PTPN3: variants seen among roughly 807,000 people sequenced by gnomAD.
PTPN3 encodes protein tyrosine phosphatase non-receptor type 3, also known as tyrosine-protein phosphatase non-receptor type 3.
Under a neutral mutation model 132.7 loss-of-function variants are expected in PTPN3, and 96 were observed. The ratio of observed to expected loss-of-function variants is 0.72; its 90% CI spans 0.61 to 0.86. The LOEUF is 0.86. Among genes scored for constraint, PTPN3 ranks in the 40% least tolerant of loss-of-function variants. The pLI is 0.00. For missense variants in PTPN3, 1,125 were observed against 1,159.6 expected, an observed-to-expected ratio of 0.97 and a Z score of 0.43; for synonymous variants, 398 against 429.0, an observed-to-expected ratio of 0.93 and a Z score of 0.89.
At chr9:109,452,140 C>T (rs369431134) in intron 5 of PTPN3, among the ~76,000 whole-genome samples, 17 of 151,930 alleles carry the variant, frequency 1.1e-4, no homozygotes, top group African/African-American at 3.9e-4. Context: ...TGATGGCACA[C>T]GCCTGTAGTC....
intron 1 of PTPN3, among the ~76,000 whole-genome samples, chr9:109,470,323 T>C (rs7020624): frequency 2.6e-5 from 4 of 151,988 alleles, no homozygotes; most frequent in Non-Finnish European, 5.9e-5. Context: ...GGGCCAACCA[T>C]GGCCCCAACA....
intron 2 of PTPN3, among the ~76,000 whole-genome samples, chr9:109,462,522 GC>G (rs1458052715): frequency 6.6e-6 from 1 of 152,094 alleles, no homozygotes; most frequent in African/African-American, 2.4e-5. Context: ...GCAGATCCTA[GC>G]AGCCAGTTCA....
intron 25 of PTPN3, among the ~76,000 whole-genome samples, chr9:109,380,680 C>A (rs1348892132): frequency 6.6e-6 from 1 of 152,082 alleles, no homozygotes; most frequent in African/African-American, 2.4e-5. Context: ...TTTCTCTTAA[C>A]AAGATTTTCT....
In PTPN3 at chr9:109,383,523, G is replaced by T. The variant is rs748270076; in HGVS notation, c.2282C>A (p.Pro761His). The change falls in exon 23 of 26, where the codon CCC (proline) becomes CAC (histidine). Residue 761 changes from proline (P) to histidine (H), a missense_variant. Coordinates refer to ENST00000374541, the MANE Select transcript of PTPN3 (RefSeq NM_002829.4). ...RTKCHQYWPDPPDVMNHGGFH... is the reference protein window; with the variant it reads ...RTKCHQYWPDHPDVMNHGGFH... ...GCCGCCGTGGTTCATGACGTCGGGG[G>T]GATCTGGCCAGTACTGGTGACATTT... is the stretch of plus-strand genomic sequence containing the variant. 1.8e-5 allele frequency: 29 copies of T among 1,613,966 alleles called. No individual in the cohort carries two copies. Among genetic ancestry groups the T allele is most frequent in the African/African-American group, 2.7e-5 (2 of 74,884 alleles).
intron 5 of PTPN3, chr9:109,451,181 G>GAGTT: frequency 2.1e-6 from 2 of 963,934 alleles, no homozygotes; most frequent in Non-Finnish European, 2.5e-6. Flanking sequence ...TTGAGTCCAG[G>GAGTT]AGTTTGAGGC....
chr9:109,531,660 G>A, the PTPN3 span, among the ~76,000 whole-genome samples: 1 of 152,138 alleles, frequency 6.6e-6, no homozygotes, highest in Non-Finnish European at 1.5e-5. Flanking sequence ...CCTAGAAGCT[G>A]GGAGCTCTAC....
rs567757674 is a variant in PTPN3 at position 109,383,713 on chromosome 9, G to A, written c.2254-162C>T. ...AAGTCCATCAGCTGTTTCTCAGGGCGGGGTGGGGGCAGCCTGCCAGGGACT... is the reference window on the plus strand; with the variant it reads ...AAGTCCATCAGCTGTTTCTCAGGGCAGGGTGGGGGCAGCCTGCCAGGGACT... On this transcript the variant is annotated intron_variant, in intron 22 of 25. Transcript: ENST00000374541. 6.6e-5 allele frequency among the ~76,000 whole-genome samples: 10 copies of A among 152,290 alleles called. 1 individual carries two copies. Among genetic ancestry groups the A allele is most frequent in the South Asian group, 4.1e-4 (2 of 4,820 alleles).
Position 109,383,504 on chromosome 9 carries a change from G to A in PTPN3, c.2301C>T (p.His767=), listed in dbSNP as rs373493427. 51 of 1,613,988 alleles carry A rather than the reference G, an allele frequency of 3.2e-5. No homozygotes were observed. Among genetic ancestry groups the A allele is most frequent in the African/African-American group, 1.2e-4 (9 of 74,896 alleles). ...ACTGACACTGGATGTGAAAGCCGCC[G>A]TGGTTCATGACGTCGGGGGGATCTG... is the stretch of plus-strand genomic sequence containing the variant. The part of the protein sequence containing the change: ...YWPDPPDVMN[H]GGFHIQCQSE... Residue 767 remains histidine (H), a synonymous_variant, in exon 23 of 26, where the codon CAC becomes CAT. Transcript: ENST00000374541.
the PTPN3 span, among the ~76,000 whole-genome samples, chr9:109,531,871 C>A: frequency 2.6e-5 from 4 of 152,150 alleles, no homozygotes; most frequent in South Asian, 2.1e-4. Context: ...AAAAAAAATC[C>A]CTTGCATTCT....
chr9:109,463,389 G>T lies in PTPN3; in HGVS notation c.46C>A (p.Arg16Ser), dbSNP rs200407136. ...TTCTCTTTGGGTAACTCCGAGGTGC[G>T]TATATTATTAATTCTTCCACCCAAC... The part of the protein sequence containing the change: ...RALGGRINNI[R>S]TSELPKEKTR... The change falls in exon 2 of 26, where the codon CGC becomes AGC. Residue 16 changes from arginine to serine, a missense_variant. Transcript: ENST00000374541. The T allele has an allele frequency of 1.2e-6, 2 of 1,612,658 alleles. No homozygotes were observed. The highest frequency in any genetic ancestry group is 1.7e-6 in the Non-Finnish European group (2 of 1,179,682).
At chr9:109,471,479 T>G (rs1036550696) in intron 1 of PTPN3, among the ~76,000 whole-genome samples, 8 of 152,104 alleles carry the variant, frequency 5.3e-5, no homozygotes, top group Non-Finnish European at 7.4e-5. Flanking sequence ...AGCATGTATC[T>G]CCCCCTAATA....
intron 10 of PTPN3, among the ~76,000 whole-genome samples, chr9:109,431,793 T>C (rs1226793774): frequency 1.3e-5 from 2 of 152,210 alleles, no homozygotes; most frequent in Non-Finnish European, 2.9e-5. Context: ...TGATGTGAGT[T>C]TCAACTACTC....
At chr9:109,487,088 G>A (rs1445527288) in intron 1 of PTPN3, among the ~76,000 whole-genome samples, 2 of 152,182 alleles carry the variant, frequency 1.3e-5, no homozygotes, top group South Asian at 2.1e-4. Flanking sequence ...TGATCAGGCC[G>A]GAGACACAGA....
At chr9:109,382,868 T>A (rs1468212459) in intron 23 of PTPN3, among the ~76,000 whole-genome samples, 3 of 151,544 alleles carry the variant, frequency 2.0e-5, no homozygotes, top group African/African-American at 7.3e-5. Context: ...TGTAGAGCCA[T>A]CAGCACTACC....
the PTPN3 span, among the ~76,000 whole-genome samples, chr9:109,529,694 T>A: frequency 7.5e-3 from 1,143 of 152,328 alleles, 10 homozygotes; most frequent in African/African-American, 0.026. Flanking sequence ...TAAGCATTTA[T>A]GTGTACAGTT....
chr9:109,448,443 C>A (rs1845008144), intron 6 of PTPN3, among the ~76,000 whole-genome samples: 2 of 152,186 alleles, frequency 1.3e-5, no homozygotes. Context: ...GAAAATGAGT[C>A]ATCCGTGGGT....
chr9:109,409,069 A>G (rs1841862504), intron 16 of PTPN3, among the ~76,000 whole-genome samples: 1 of 151,858 alleles, frequency 6.6e-6, no homozygotes, highest in Admixed American at 6.6e-5. Context: ...GTTTTCTGTA[A>G]AGGGCCAGAG....
In PTPN3 at chr9:109,436,962, T is replaced by C. The variant is rs1169857756; in HGVS notation, c.596A>G (p.Lys199Arg). Residue 199 changes from lysine (K) to arginine (R), a missense_variant, in exon 9 of 26, where the codon AAA becomes AGA. Physicochemically the swap from Lys to Arg is conservative, Grantham distance 26 (BLOSUM62 2). Coordinates refer to ENST00000374541, the MANE Select transcript of PTPN3 (RefSeq NM_002829.4). Reference protein sequence around the residue: ...ESLHEQHSGLKQSEAESCYIN... With the variant: ...ESLHEQHSGLRQSEAESCYIN... ...ATAGCAGGATTCTGCTTCTGATTGT[T>C]TTAGCCCACTACGGAAGAAAAGACA... 1.2e-6 allele frequency: 2 copies of C among 1,613,914 alleles called. No individual in the cohort carries two copies. Among genetic ancestry groups the C allele is most frequent in the African/African-American group, 1.3e-5 (1 of 74,934 alleles).
intron 1 of PTPN3, among the ~76,000 whole-genome samples, chr9:109,476,813 C>T (rs1043822629): frequency 6.6e-6 from 1 of 152,252 alleles, no homozygotes; most frequent in Non-Finnish European, 1.5e-5. Flanking sequence ...AGCCACTCAA[C>T]ACCAGCTCTG....
Sources: gnomAD v4.1 joint callset for allele counts (sites outside exome capture counted in the v4.1 genomes callset) on GRCh38, gnomAD v4.1.1 for gene constraint, MANE v1.5 for transcripts, NCBI Gene and HGNC (gene_info 2026-07-23, HGNC 2026-07-21) for gene names.